NPIPB8: variants seen among roughly 807,000 people sequenced by gnomAD.
The protein encoded by NPIPB8 is nuclear pore complex interacting protein family member B8, also known as nuclear pore complex-interacting protein family member B8.
Under a neutral mutation model 5.3 loss-of-function variants are expected in NPIPB8, and 3 were observed. The ratio of observed to expected loss-of-function variants is 0.57; its 90% CI spans 0.26 to 1.47. The LOEUF is 1.47. NPIPB8 is among the 40% of genes most tolerant of loss of function. NPIPB8 has a pLI of 0.13. For missense variants in NPIPB8, 50 were observed against 50.2 expected, an observed-to-expected ratio of 1.00 and a Z score of 0.01; for synonymous variants, 18 against 23.0, an observed-to-expected ratio of 0.78 and a Z score of 0.62.
At chr16:28,639,585 A>G (rs1335390758) in intron 2 of NPIPB8, among the ~76,000 whole-genome samples, 1 of 129,828 alleles carries the variant, frequency 7.7e-6, no homozygotes, top group African/African-American at 2.9e-5. Context: ...GCCTCTGAGT[A>G]GCTGGGACTA....
At chr16:28,642,350 T>A (rs1424696997) in intron 2 of NPIPB8, among the ~76,000 whole-genome samples, 1 of 152,012 alleles carries the variant, frequency 6.6e-6, no homozygotes, top group African/African-American at 2.4e-5. Flanking sequence ...GTGATCCACC[T>A]ACCTCAGCCT....
chr16:28,642,415 C>T (rs3987713), intron 2 of NPIPB8, among the ~76,000 whole-genome samples: 41 of 150,520 alleles, frequency 2.7e-4, no homozygotes, highest in Admixed American at 6.6e-4. Context: ...AATCTAGGGC[C>T]GGAACATGGC....
At chr16:28,641,160 A>G (rs546519941) in intron 2 of NPIPB8, among the ~76,000 whole-genome samples, 2 of 151,720 alleles carry the variant, frequency 1.3e-5, no homozygotes, top group South Asian at 4.2e-4. Context: ...GCCCTGGGTG[A>G]CTCAAGTGCC....
intron 2 of NPIPB8, among the ~76,000 whole-genome samples, chr16:28,638,780 A>C (rs2047837843): frequency 6.7e-6 from 1 of 150,228 alleles, no homozygotes; most frequent in Non-Finnish European, 1.5e-5. Context: ...TTATCTTGCC[A>C]AGTTTAGGCT....
chr16:28,638,045 C>T (rs1379577174), upstream of NPIPB8: 2 of 687,038 alleles, frequency 2.9e-6, no homozygotes, highest in African/African-American at 3.8e-5. Flanking sequence ...AATGATGATA[C>T]ATTTAAATGA....
At chr16:28,651,051 CTT>C (rs2048033295) in intron 3 of NPIPB8, among the ~76,000 whole-genome samples, 1 of 76,196 alleles carries the variant, frequency 1.3e-5, no homozygotes, top group African/African-American at 9.3e-5. Flanking sequence ...GTGGTGGGAT[CTT>C]GGCTCACTGC....
intron 3 of NPIPB8, among the ~76,000 whole-genome samples, chr16:28,651,249 C>G (rs1207477755): frequency 2.9e-5 from 1 of 34,892 alleles, no homozygotes; most frequent in Non-Finnish European, 4.7e-5. Flanking sequence ...TCCCAAAGTG[C>G]TGGGATTATA....
chr16:28,639,460 T>A (rs1169528275), intron 2 of NPIPB8, among the ~76,000 whole-genome samples: 16,608 of 127,180 alleles, frequency 0.13, 1,088 homozygotes, highest in Non-Finnish European at 0.18. Context: ...TATATATTTT[T>A]TTTTTTTTTT....
intron 2 of NPIPB8, among the ~76,000 whole-genome samples, chr16:28,640,676 C>A (rs566454352): frequency 6.6e-6 from 1 of 152,060 alleles, no homozygotes; most frequent in Non-Finnish European, 1.5e-5. Context: ...ACTAAGTCAC[C>A]GCAGATTTGC....
At chr16:28,650,916 TATAAG>T (rs1349133640) in intron 3 of NPIPB8, among the ~76,000 whole-genome samples, 1 of 72,620 alleles carries the variant, frequency 1.4e-5, no homozygotes, top group Non-Finnish European at 2.3e-5. Context: ...GTAAAATACT[TATAAG>T]ATGATAATTA....
At chr16:28,651,668 C>T (rs1293246043) in intron 3 of NPIPB8, among the ~76,000 whole-genome samples, 3 of 95,070 alleles carry the variant, frequency 3.2e-5, no homozygotes, top group African/African-American at 5.4e-5. Context: ...CTCATTCTGT[C>T]GCTCAGGCTG....
chr16:28,642,252 T>G lies in NPIPB8; in HGVS notation c.120+3772T>G, dbSNP rs2411438. 3.7e-4 allele frequency among the ~76,000 whole-genome samples: 56 copies of G among 150,524 alleles called. 1 individual carries two copies. Among genetic ancestry groups the G allele is most frequent in the South Asian group, 4.2e-4 (2 of 4,754 alleles). On this transcript the variant is annotated intron_variant, in intron 2 of 7. Coordinates refer to ENST00000683297, the MANE Select transcript of NPIPB8 (RefSeq NM_001310136.2). ...TCCTGAGTAGCTGGGATTACAGGTG[T>G]GTGCCACCATGCCTGGCTAATTTTT...
intron 2 of NPIPB8, among the ~76,000 whole-genome samples, chr16:28,639,977 C>T (rs1489806977): frequency 1.3e-5 from 2 of 150,878 alleles, no homozygotes; most frequent in Non-Finnish European, 2.9e-5. Flanking sequence ...TGTGCCAGGC[C>T]CTGGGTTCAA....
At chr16:28,652,971 C>T (rs369704642) in intron 5 of NPIPB8, among the ~76,000 whole-genome samples, 1 of 127,596 alleles carries the variant, frequency 7.8e-6, no homozygotes, top group East Asian at 2.1e-4. Flanking sequence ...TGCTATGGTG[C>T]AATCTTGGCT....
rs548515286 is a variant in NPIPB8 at position 28,640,305 on chromosome 16, T to C, written c.120+1825T>C. On this transcript the variant is annotated intron_variant, in intron 2 of 7. Coordinates refer to ENST00000683297, the MANE Select transcript of NPIPB8 (RefSeq NM_001310136.2). Reference sequence around the variant, plus strand: ...TGTACACCACTGAAGGCTCTTTTCCTGCCCATGCTGCACATCCTCCATGGC... The same window carrying C: ...TGTACACCACTGAAGGCTCTTTTCCCGCCCATGCTGCACATCCTCCATGGC... Among the ~76,000 whole-genome samples the C allele has an allele frequency of 3.3e-5, 5 of 152,126 alleles. No individual in the cohort carries two copies. The South Asian group carries it at 1.0e-3, about 32-fold the overall frequency.
In NPIPB8 at chr16:28,652,604, C is replaced by T. The variant is rs1231707267; in HGVS notation, c.599+240C>T. 1.7e-4 allele frequency among the ~76,000 whole-genome samples: 19 copies of T among 108,632 alleles called. 1 individual carries two copies. Among genetic ancestry groups the T allele is most frequent in the Non-Finnish European group, 3.1e-4 (17 of 54,362 alleles). The allele number at this position is 108,632 out of a possible 152,430, so 71.3% of individuals were successfully genotyped here. On this transcript the variant is annotated intron_variant, in intron 5 of 7. Transcript: ENST00000683297. ...CTAGTACTGGCATTGGTTTTCCTTT[C>T]TCTCTTTTTTTTTTTTTTTTCCTGA... is the stretch of plus-strand genomic sequence containing the variant.
intron 2 of NPIPB8, among the ~76,000 whole-genome samples, chr16:28,645,255 T>C (rs1333139631): frequency 9.1e-6 from 1 of 110,080 alleles, no homozygotes; most frequent in Non-Finnish European, 2.0e-5. Flanking sequence ...AGTCTCCATC[T>C]CTTGACCTCG....
At chr16:28,653,214 A>T (rs1166158023) in intron 5 of NPIPB8, among the ~76,000 whole-genome samples, 1 of 100,568 alleles carries the variant, frequency 9.9e-6, no homozygotes, top group East Asian at 2.2e-4. Flanking sequence ...CTGGGACTAC[A>T]GGCATATGCC....
At chr16:28,644,199 T>C (rs1276972402) in intron 2 of NPIPB8, among the ~76,000 whole-genome samples, 1 of 83,444 alleles carries the variant, frequency 1.2e-5, no homozygotes. Context: ...CAGAACCTTT[T>C]TGTCTCCCTC....
Sources: gnomAD v4.1 joint callset for allele counts (sites outside exome capture counted in the v4.1 genomes callset) on GRCh38, gnomAD v4.1.1 for gene constraint, MANE v1.5 for transcripts, NCBI Gene and HGNC (gene_info 2026-07-23, HGNC 2026-07-21) for gene names.